HK2: variants seen among roughly 807,000 people sequenced by gnomAD.
HK2 encodes hexokinase-2.
A neutral mutation model predicts 92.9 loss-of-function variants in HK2; 42 were observed. The observed-to-expected ratio is 0.45, with a 90% CI of 0.35 to 0.58. The LOEUF is 0.58. Among genes scored for constraint, HK2 ranks in the 20% least tolerant of loss-of-function variants. HK2 has a pLI of 0.00. For synonymous variants in HK2, 422 were observed against 468.0 expected, an observed-to-expected ratio of 0.90 and a Z score of 1.27; for missense variants, 978 against 1,245.1, an observed-to-expected ratio of 0.79 and a Z score of 3.23.
chr2:74,877,260 C>G lies in HK2; in HGVS notation c.970C>G (p.Leu324Val). ...AKEELLFGGK[L>V]SPELLNTGRF... is the part of the protein sequence containing the mutation. ...GGAGGAGCTGCTCTTTGGGGGGAAG[C>G]TCAGCCCAGAGCTTCTCAACACCGG... The change falls in exon 8 of 18, where the codon CTC becomes GTC. Residue 324 changes from leucine to valine, a missense_variant. Physicochemically the swap from Leu to Val is conservative, Grantham distance 32. Around this residue, in one of 3 missense-constraint regions of HK2, gnomAD observed 742 missense variants for 922.5 expected, o/e 0.80. Coordinates refer to ENST00000290573, the MANE Select transcript of HK2 (RefSeq NM_000189.5). 2.5e-6 allele frequency: 4 copies of G among 1,614,184 alleles called. No homozygotes were observed. The highest frequency in any genetic ancestry group is 3.4e-6 in the Non-Finnish European group (4 of 1,180,026).
intron 12 of HK2, among the ~76,000 whole-genome samples, chr2:74,882,516 A>G (rs1689423971): frequency 6.7e-6 from 1 of 149,222 alleles, no homozygotes; most frequent in East Asian, 2.0e-4. Flanking sequence ...TAATCTCAGC[A>G]CTTTGGGAGG....
intron 13 of HK2, among the ~76,000 whole-genome samples, chr2:74,885,927 C>CCATGA (rs1196602477): frequency 1.3e-5 from 2 of 150,384 alleles, no homozygotes; most frequent in Non-Finnish European, 2.9e-5. Context: ...AGCAAAACAG[C>CCATGA]CATGAGGGCT....
intron 3 of HK2, among the ~76,000 whole-genome samples, chr2:74,870,756 G>T (rs1365640196): frequency 6.6e-6 from 1 of 152,120 alleles, no homozygotes; most frequent in African/African-American, 2.4e-5. Context: ...CAAGGGAGTT[G>T]GCTCACCTGC....
intron 12 of HK2, among the ~76,000 whole-genome samples, chr2:74,882,605 T>TTTATATATATATA (rs1553449959): frequency 1.3e-5 from 1 of 75,658 alleles, no homozygotes; most frequent in Non-Finnish European, 3.1e-5. Flanking sequence ...TCTATTGAAC[T>TTTATATATATATA]TATATATATA....
At chr2:74,846,550 A>AT (rs1688443238) in intron 1 of HK2, among the ~76,000 whole-genome samples, 1 of 152,092 alleles carries the variant, frequency 6.6e-6, no homozygotes. Context: ...TGTGTCTGGC[A>AT]TTTTTCAGCC....
intron 17 of HK2, 131 bp from the exon 18 acceptor site, chr2:74,890,666 T>G: frequency 9.5e-7 from 1 of 1,055,350 alleles, no homozygotes; most frequent in Admixed American, 1.7e-5. Context: ...ACATTATAGC[T>G]GTCATCCTTC....
At chr2:74,843,746 A>G (rs1688369587) in intron 1 of HK2, among the ~76,000 whole-genome samples, 1 of 152,210 alleles carries the variant, frequency 6.6e-6, no homozygotes, top group Admixed American at 6.5e-5. Flanking sequence ...GAATAAAGCC[A>G]GATGAACCAT....
chr2:74,844,690 C>T (rs1031216664), intron 1 of HK2, among the ~76,000 whole-genome samples: 10 of 152,088 alleles, frequency 6.6e-5, no homozygotes, highest in African/African-American at 1.9e-4. Context: ...CTGGGGCTGT[C>T]GAGGGGTAGG....
chr2:74,861,311 C>A (rs1220379410), intron 2 of HK2, among the ~76,000 whole-genome samples: 1 of 151,830 alleles, frequency 6.6e-6, no homozygotes, highest in East Asian at 1.9e-4. Context: ...ATCCCAGCTA[C>A]TGGGGGGCTG....
rs1688106402 is a variant in HK2, at chr2:74,834,672, TG to T, written c.63+32del. 3.7e-6 allele frequency: 6 copies of T among 1,612,876 alleles called. No individual in the cohort carries two copies. Among genetic ancestry groups the T allele is most frequent in the Non-Finnish European group, 4.2e-6 (5 of 1,178,876 alleles). On this transcript the variant is annotated intron_variant, in intron 1 of 17. Transcript: ENST00000290573. This position sits in a 1 kb window ranked among gnomAD's most constrained non-coding sequence, Gnocchi z 4.2. ...AGTCAGCGCGGGCGGGGCGGCAGGCTGGGCTCTGGCAAAGTGGTCTGGCCTC... is the reference window on the plus strand; with the variant it reads ...AGTCAGCGCGGGCGGGGCGGCAGGCTGGCTCTGGCAAAGTGGTCTGGCCTC...
chr2:74,850,040 T>TCAC (rs778892623), intron 1 of HK2, among the ~76,000 whole-genome samples: 3 of 152,206 alleles, frequency 2.0e-5, no homozygotes, highest in African/African-American at 4.8e-5. Flanking sequence ...CTTCACAGGG[T>TCAC]CACACCTGGC....
At chr2:74,885,624 G>T in intron 13 of HK2, 35 bp downstream of exon 13, 1 of 1,315,756 alleles carries the variant, frequency 7.6e-7, no homozygotes, top group Non-Finnish European at 1.1e-6. Flanking sequence ...TGATGTGTCA[G>T]CTCCTCAATG....
At chr2:74,840,100 C>T (rs1266863522) in intron 1 of HK2, among the ~76,000 whole-genome samples, 5 of 151,114 alleles carry the variant, frequency 3.3e-5, no homozygotes, top group South Asian at 2.1e-4. Flanking sequence ...GGACTACAGG[C>T]GCCCACCACC....
intron 13 of HK2, among the ~76,000 whole-genome samples, chr2:74,885,888 T>TCAC (rs1689519230): frequency 9.4e-6 from 1 of 106,580 alleles, no homozygotes; most frequent in African/African-American, 5.1e-5. Flanking sequence ...ACACACACAG[T>TCAC]AAAGGAATAA....
At chr2:74,839,808 C>G (rs2103829847) in intron 1 of HK2, among the ~76,000 whole-genome samples, 1 of 148,814 alleles carries the variant, frequency 6.7e-6, no homozygotes, top group East Asian at 2.0e-4. Context: ...CAGGTGCGCA[C>G]CACCATGCCC....
chr2:74,887,540 C>T (rs575525659), intron 15 of HK2, among the ~76,000 whole-genome samples: 1 of 152,148 alleles, frequency 6.6e-6, no homozygotes, highest in East Asian at 1.9e-4. Flanking sequence ...CAGCATTCTC[C>T]CCTGCTCCGA....
At chr2:74,838,779 C>T (rs1290967163) in intron 1 of HK2, among the ~76,000 whole-genome samples, 1 of 152,132 alleles carries the variant, frequency 6.6e-6, no homozygotes, top group Admixed American at 6.5e-5. Context: ...ACCTCGTGAT[C>T]TGCCTGACTC....
At chr2:74,861,611 G>C (rs543617374) in intron 2 of HK2, among the ~76,000 whole-genome samples, 1 of 152,214 alleles carries the variant, frequency 6.6e-6, no homozygotes, top group East Asian at 1.9e-4. Context: ...GGCAGATGGT[G>C]ACAGTTGGGA....
chr2:74,846,100 G>A (rs1025606633), intron 1 of HK2, among the ~76,000 whole-genome samples: 4 of 152,258 alleles, frequency 2.6e-5, no homozygotes, highest in African/African-American at 9.6e-5. Context: ...TTGTCAGAGA[G>A]TTGTGGTAAA....
Sources: gnomAD v4.1 joint callset for allele counts (sites outside exome capture counted in the v4.1 genomes callset) on GRCh38, gnomAD v4.1.1 for gene constraint, gnomAD v4.1.1 regional missense constraint, Gnocchi (gnomAD v3.1) non-coding constraint, MANE v1.5 for transcripts, NCBI Gene and HGNC (gene_info 2026-07-23, HGNC 2026-07-21) for gene names.